SGMS1: variants seen among roughly 807,000 people sequenced by gnomAD.
SGMS1 encodes sphingomyelin synthase 1.
A neutral mutation model predicts 46.2 loss-of-function variants in SGMS1; 13 were observed. The ratio of observed to expected loss-of-function variants is 0.28; its 90% CI spans 0.18 to 0.45. SGMS1 has a LOEUF of 0.45. Among genes scored for constraint, SGMS1 ranks in the 20% least tolerant of loss-of-function variants. SGMS1 has a pLI of 1.00. For missense variants in SGMS1, 324 were observed against 519.9 expected (o/e 0.62, Z 3.66); for synonymous variants, 203 against 187.8 (o/e 1.08, Z -0.66).
chr10:50,329,022 C>T (rs1302220049), intron 7 of SGMS1, among the ~76,000 whole-genome samples: 2 of 152,112 alleles, frequency 1.3e-5, no homozygotes, highest in Non-Finnish European at 2.9e-5. Context: ...ACAAGAAACA[C>T]CTAAGTCAGC....
intron 6 of SGMS1, among the ~76,000 whole-genome samples, chr10:50,355,737 G>A (rs533511049): frequency 2.1e-4 from 32 of 151,008 alleles, no homozygotes; most frequent in African/African-American, 6.8e-4. Context: ...GCCGCCCATC[G>A]TCTGGGATGT....
chr10:50,396,852 C>T (rs1022691984), intron 6 of SGMS1, among the ~76,000 whole-genome samples: 3 of 152,098 alleles, frequency 2.0e-5, no homozygotes, highest in African/African-American at 4.8e-5. Context: ...AGGTCCCCTC[C>T]CCTCAATGCA....
intron 1 of SGMS1, among the ~76,000 whole-genome samples, chr10:50,602,467 C>G (rs1159529930): frequency 2.0e-5 from 3 of 152,160 alleles, no homozygotes; most frequent in African/African-American, 7.2e-5. Context: ...TCTCCCTGTT[C>G]AATATCTTTT....
chr10:50,381,190 A>G (rs1203811518), intron 6 of SGMS1, among the ~76,000 whole-genome samples: 2 of 152,054 alleles, frequency 1.3e-5, no homozygotes, highest in Admixed American at 1.3e-4. Flanking sequence ...ATTAAAACAA[A>G]TATATAACCA....
intron 6 of SGMS1, among the ~76,000 whole-genome samples, chr10:50,368,810 A>G (rs1848391057): frequency 6.6e-6 from 1 of 152,262 alleles, no homozygotes; most frequent in African/African-American, 2.4e-5. Context: ...AGGCATTATA[A>G]AACAATTTGT....
intron 7 of SGMS1, among the ~76,000 whole-genome samples, chr10:50,331,860 G>A (rs1221969981): frequency 6.6e-6 from 1 of 152,142 alleles, no homozygotes; most frequent in Non-Finnish European, 1.5e-5. Context: ...GGGAGAAAGC[G>A]CTATTTATGA....
chr10:50,490,057 C>G (rs1837554953), intron 3 of SGMS1, among the ~76,000 whole-genome samples: 1 of 152,160 alleles, frequency 6.6e-6, no homozygotes, highest in African/African-American at 2.4e-5. Flanking sequence ...GAAGAAATGG[C>G]CCTAGTCTCA....
rs114421231 is a variant in SGMS1, at chr10:50,582,721, A to G, written c.-589+7432T>C. On this transcript the variant is annotated intron_variant, in intron 2 of 10. Transcript: ENST00000361781. ...CGTTCATGTGGGAAGCTAAAGACCA[A>G]CGTTCAAGTGGAATATACAGAAACA... 8.7e-3 allele frequency among the ~76,000 whole-genome samples: 1,318 copies of G among 152,322 alleles called. 19 individuals carry two copies. Among genetic ancestry groups the G allele is most frequent in the African/African-American group, 0.03 (1,245 of 41,560 alleles).
chr10:50,462,917 C>G (rs1018076281), intron 4 of SGMS1, among the ~76,000 whole-genome samples: 13 of 151,780 alleles, frequency 8.6e-5, no homozygotes, highest in Admixed American at 6.6e-4. Context: ...AATGATGGAG[C>G]TTCTGGTTCC....
intron 2 of SGMS1, among the ~76,000 whole-genome samples, chr10:50,563,525 C>T (rs1196241182): frequency 6.6e-6 from 1 of 151,730 alleles, no homozygotes; most frequent in East Asian, 1.9e-4. Context: ...GGGCGGATCA[C>T]GAGGTCAGGA....
rs1270873687 is a variant in SGMS1, at chr10:50,535,615, G to A, written c.-588-15694C>T. 3.9e-5 allele frequency among the ~76,000 whole-genome samples: 6 copies of A among 152,072 alleles called. 1 individual carries two copies. Among genetic ancestry groups the A allele is most frequent in the East Asian group, 3.9e-4 (2 of 5,172 alleles). On this transcript the variant is annotated intron_variant, in intron 2 of 10. Coordinates refer to ENST00000361781, the MANE Select transcript of SGMS1 (RefSeq NM_147156.4). The stretch of plus-strand genomic sequence containing the variant: ...GATCTCTTGACTTCGTGATCCACCC[G>A]CCTCGGCCTCCCAAAGTGCTGGGAT...
At chr10:50,384,591 G>A (rs905738820) in intron 6 of SGMS1, among the ~76,000 whole-genome samples, 5 of 151,856 alleles carry the variant, frequency 3.3e-5, no homozygotes, top group African/African-American at 1.2e-4. Context: ...GGGACTACAG[G>A]TGTGTGCCAC....
chr10:50,328,038 A>C (rs1490414514), intron 7 of SGMS1: 2 of 378,136 alleles, frequency 5.3e-6, no homozygotes, highest in Non-Finnish European at 1.0e-5. Flanking sequence ...TAGATGAATA[A>C]AAATATAAGC....
chr10:50,564,491 A>G (rs1838271266), intron 2 of SGMS1, among the ~76,000 whole-genome samples: 1 of 152,230 alleles, frequency 6.6e-6, no homozygotes, highest in Admixed American at 6.5e-5. Context: ...GGCCAGTAAG[A>G]CCACAAGCAC....
chr10:50,441,288 T>C (rs947895604), intron 5 of SGMS1, among the ~76,000 whole-genome samples: 1 of 152,320 alleles, frequency 6.6e-6, no homozygotes, highest in Admixed American at 6.5e-5. Context: ...GCCTTCTACA[T>C]TGAAAATCAG....
intron 1 of SGMS1, among the ~76,000 whole-genome samples, chr10:50,605,898 T>A (rs190487893): frequency 6.6e-6 from 1 of 152,304 alleles, no homozygotes; most frequent in East Asian, 1.9e-4. Context: ...CCTCCCCACT[T>A]CAACCCCTTC....
chr10:50,487,993 ATTTATTTATTT>A (rs1837536174), intron 3 of SGMS1, among the ~76,000 whole-genome samples: 1 of 97,492 alleles, frequency 1.0e-5, no homozygotes. Flanking sequence ...TATTTTATTT[ATTTATTTATTT>A]ATTTATTTAT....
At position 50,397,594 on chromosome 10, in the gene SGMS1, C is replaced by T. The variant is rs962493716; in HGVS notation, c.-232+35882G>A. ...GTGTCTGGGTTTATTTAGATGTCCA[C>T]ATCTCTTTGCCTCTGTGCATCTGAG... On this transcript the variant is annotated intron_variant, in intron 6 of 10. Transcript: ENST00000361781. Among the ~76,000 whole-genome samples the T allele has an allele frequency of 2.6e-5, 4 of 152,174 alleles. No individual in the cohort carries two copies. In the East Asian group the frequency reaches 5.8e-4, roughly 22 times the overall value.
intron 6 of SGMS1, among the ~76,000 whole-genome samples, chr10:50,356,744 AATG>A (rs1848156005): frequency 6.6e-6 from 1 of 152,084 alleles, no homozygotes; most frequent in South Asian, 2.1e-4. Flanking sequence ...AAAAATAAAA[AATG>A]ATGAGTTCAT....
Sources: allele counts gnomAD v4.1 joint callset (sites outside exome capture counted in the v4.1 genomes callset), GRCh38; gene constraint gnomAD v4.1.1; transcripts MANE v1.5; gene names NCBI Gene and HGNC (gene_info 2026-07-23, HGNC 2026-07-21).